Variants in OPCML observed in about 807,000 individuals in gnomAD.
The protein encoded by OPCML is opioid binding protein/cell adhesion molecule like, also known as opioid-binding protein/cell adhesion molecule.
OPCML carries 13 observed loss-of-function variants against 37.8 expected under a neutral mutation model. That is an observed-to-expected ratio of 0.34 (90% CI 0.22 to 0.55). OPCML has a LOEUF of 0.55. OPCML is among the 20% of genes least tolerant of loss of function. The pLI, the probability that OPCML is intolerant of heterozygous loss-of-function variation, is 0.91. For synonymous variants in OPCML, 176 were observed against 168.8 expected (o/e 1.04, Z -0.33); for missense variants, 341 against 435.6 (o/e 0.78, Z 1.93).
At chr11:133,087,288 A>G (rs535876044) in intron 1 of OPCML, among the ~76,000 whole-genome samples, 3 of 152,246 alleles carry the variant, frequency 2.0e-5, no homozygotes, top group African/African-American at 7.2e-5. Context: ...TTCATTGTAT[A>G]ATTTTAAGTA....
chr11:132,878,324 A>T (rs1943098967), intron 2 of OPCML, among the ~76,000 whole-genome samples: 1 of 152,172 alleles, frequency 6.6e-6, no homozygotes, highest in African/African-American at 2.4e-5. Flanking sequence ...GTTGCATGAG[A>T]TTAACTTTTG....
At chr11:133,020,008 T>C (rs550230102) in intron 1 of OPCML, among the ~76,000 whole-genome samples, 2 of 152,344 alleles carry the variant, frequency 1.3e-5, no homozygotes, top group African/African-American at 4.8e-5. Flanking sequence ...AGCACGGCTG[T>C]GTTCTCATTA....
intron 1 of OPCML, among the ~76,000 whole-genome samples, chr11:133,244,615 C>T (rs555543740): frequency 6.6e-6 from 1 of 152,204 alleles, no homozygotes; most frequent in East Asian, 1.9e-4. Context: ...GGGCAGATTT[C>T]CCCCTTGCTG....
chr11:133,080,276 A>G (rs1361244319), intron 1 of OPCML, among the ~76,000 whole-genome samples: 1 of 152,114 alleles, frequency 6.6e-6, no homozygotes, highest in East Asian at 1.9e-4. Flanking sequence ...TCTTGTGAGA[A>G]TGTGGGTTCA....
At chr11:132,792,499 C>A (rs1343479422) in intron 2 of OPCML, among the ~76,000 whole-genome samples, 1 of 152,206 alleles carries the variant, frequency 6.6e-6, no homozygotes, top group South Asian at 2.1e-4. Context: ...AGTCCGCTCT[C>A]CCCACCCCCA....
intron 2 of OPCML, among the ~76,000 whole-genome samples, chr11:132,841,184 G>A (rs911381657): frequency 9.2e-5 from 14 of 152,170 alleles, no homozygotes; most frequent in Non-Finnish European, 1.6e-4. Context: ...CCAAGACTTC[G>A]CACTGTGCTA....
chr11:133,515,533 A>G (rs1428216055), intron 1 of OPCML, among the ~76,000 whole-genome samples: 1 of 152,228 alleles, frequency 6.6e-6, no homozygotes, highest in Non-Finnish European at 1.5e-5. Flanking sequence ...TAGAAAAATC[A>G]AGTTCGAGAA....
At chr11:132,508,506 ACT>A (rs1173698148) in intron 4 of OPCML, among the ~76,000 whole-genome samples, 1 of 149,660 alleles carries the variant, frequency 6.7e-6, no homozygotes, top group Non-Finnish European at 1.5e-5. Flanking sequence ...ACACACACAC[ACT>A]CTGTTATGGT....
chr11:132,419,066 C>T lies in OPCML; in HGVS notation c.*1127G>A, dbSNP rs983210779. On this transcript the variant is annotated 3_prime_UTR_variant, in exon 8 of 8. Transcript: ENST00000524381. ...ACCAGATTTTAAAGAGTCCACAACA[C>T]AGGGTATTGCTTTTGTATTTTGTTA... 6.6e-6 allele frequency: 1 copy of T among 152,638 alleles called. No individual in the cohort carries two copies. The highest frequency in any genetic ancestry group is 2.4e-5 in the African/African-American group (1 of 41,452). The allele number at this position is 152,638 out of a possible 1,614,324, so 9.5% of individuals were successfully genotyped here. A position where few individuals can be genotyped will look rare whatever the true frequency, so the allele number is the denominator to read the frequency against.
In OPCML at chr11:132,586,919, A is replaced by G. The variant is rs535563853; in HGVS notation, c.380-57733T>C. On this transcript the variant is annotated intron_variant, in intron 3 of 7. Coordinates refer to ENST00000524381, the MANE Select transcript of OPCML (RefSeq NM_001012393.5). ...CTTCCCAACACTAATAAAGAAGCAC[A>G]AGGCTTGGGAGCCCTCTGCAGGCTC... Among the ~76,000 whole-genome samples the G allele has an allele frequency of 2.0e-4, 30 of 152,322 alleles. No individual in the cohort carries two copies. The South Asian group carries it at 3.3e-3, about 17-fold the overall frequency.
At chr11:133,501,368 G>T (rs1947912336) in intron 1 of OPCML, among the ~76,000 whole-genome samples, 1 of 151,916 alleles carries the variant, frequency 6.6e-6, no homozygotes, top group African/African-American at 2.4e-5. Flanking sequence ...ATTAATTATA[G>T]CCCTGGTTTA....
rs367779856 is a variant in OPCML, at chr11:133,043,561, G to A, written c.62-100551C>T. 3.3e-5 allele frequency among the ~76,000 whole-genome samples: 5 copies of A among 152,300 alleles called. No individual in the cohort carries two copies. In the South Asian group the frequency reaches 6.2e-4, roughly 19 times the overall value. ...CTCACTGTGATATTGCTTTAGGAGG[G>A]CCTGTGCCACAGTCTGCAGCCTTGG... On this transcript the variant is annotated intron_variant, in intron 1 of 7. Coordinates refer to ENST00000524381, the MANE Select transcript of OPCML (RefSeq NM_001012393.5).
chr11:133,079,488 A>C (rs969493410), intron 1 of OPCML, among the ~76,000 whole-genome samples: 6 of 152,174 alleles, frequency 3.9e-5, no homozygotes, highest in African/African-American at 1.4e-4. Context: ...CTTTCAGATA[A>C]ATCAAAAATC....
At chr11:133,073,565 G>C (rs1948577427) in intron 1 of OPCML, among the ~76,000 whole-genome samples, 1 of 152,210 alleles carries the variant, frequency 6.6e-6, no homozygotes, top group African/African-American at 2.4e-5. Context: ...ATAGAAACTA[G>C]ACTGCAGGCT....
intron 4 of OPCML, among the ~76,000 whole-genome samples, chr11:132,444,759 CT>C (rs2096049009): frequency 6.6e-6 from 1 of 152,110 alleles, no homozygotes; most frequent in African/African-American, 2.4e-5. Flanking sequence ...ATCCTTGACT[CT>C]CCTTAGAACC....
rs535211706 is a variant in OPCML, at chr11:132,648,227, G to A, written c.379+8860C>T. 5.3e-5 allele frequency among the ~76,000 whole-genome samples: 8 copies of A among 152,312 alleles called. No individual in the cohort carries two copies. The East Asian group carries it at 1.5e-3, about 29-fold the overall frequency. On this transcript the variant is annotated intron_variant, in intron 3 of 7. Coordinates refer to ENST00000524381, the MANE Select transcript of OPCML (RefSeq NM_001012393.5). ...CATGGTGGACATTAATCTATCAGGA[G>A]AGTTTATGAACATTTACTAATTTGT...
intron 2 of OPCML, among the ~76,000 whole-genome samples, chr11:132,724,145 T>A (rs1197338709): frequency 6.6e-6 from 1 of 152,112 alleles, no homozygotes; most frequent in African/African-American, 2.4e-5. Context: ...GGTCAGAGCA[T>A]GTCCAGGAAT....
chr11:133,329,754 A>T (rs759352228), intron 1 of OPCML, among the ~76,000 whole-genome samples: 1,961 of 152,306 alleles, frequency 0.013, 24 homozygotes, highest in Non-Finnish European at 0.018. Flanking sequence ...AACCTAGGCA[A>T]TACCATTCAG....
chr11:133,115,361 C>G (rs573742028), intron 1 of OPCML, among the ~76,000 whole-genome samples: 2 of 152,298 alleles, frequency 1.3e-5, no homozygotes, highest in South Asian at 4.1e-4. Flanking sequence ...CTTGTGCAGC[C>G]TATTACAGTA....
Sources: gnomAD v4.1 joint callset for allele counts (sites outside exome capture counted in the v4.1 genomes callset) on GRCh38, gnomAD v4.1.1 for gene constraint, MANE v1.5 for transcripts, NCBI Gene and HGNC (gene_info 2026-07-23, HGNC 2026-07-21) for gene names.